APOLD1: variants seen among roughly 807,000 people sequenced by gnomAD.
APOLD1 encodes the protein apolipoprotein L domain-containing protein 1.
A neutral mutation model predicts 15.3 loss-of-function variants in APOLD1; 22 were observed. The observed-to-expected ratio is 1.44, with a 90% confidence interval of 1.03 to 2.05. The LOEUF (loss-of-function observed/expected upper bound fraction) is 2.05. Ranked by LOEUF, APOLD1 falls within the 30% of genes most tolerant of loss-of-function variation. The probability of loss-of-function intolerance (pLI) is 0.00; values close to 1 mark genes in which losing one functional copy is unlikely to be tolerated. For missense variants in APOLD1, 394 were observed against 353.5 expected (o/e 1.11, Z -0.92); for synonymous variants, 190 against 167.4 (o/e 1.13, Z -1.04).
chr12:12,787,713 T>G lies in APOLD1; in HGVS notation c.*61T>G. 1 of 1,516,470 alleles carries G rather than the reference T, an allele frequency of 6.6e-7. No homozygotes were observed. The highest frequency in any genetic ancestry group is 2.3e-5 in the East Asian group (1 of 44,154). 93.9% of individuals were successfully genotyped at this position (1,516,470 alleles called of 1,614,324 possible). On this transcript the variant is annotated 3_prime_UTR_variant, in exon 2 of 2. Coordinates refer to ENST00000356591, the MANE Select transcript of APOLD1 (RefSeq NM_030817.3). This position sits in a 1 kb window ranked among gnomAD's most constrained non-coding sequence, Gnocchi z 4.9. ...ATCATCCTCATGGGATGCTCCAGAA[T>G]TTGTAGCTCCCTTAGGAAAACACCA...
At chr12:12,726,156 CAAAAAA>C (rs745785485) in intron 1 of APOLD1, 708 of 113,406 alleles carry the variant, frequency 6.2e-3, no homozygotes, top group East Asian at 0.028. Context: ...TCTTCGCAAC[CAAAAAA>C]AAAAAAAAAA....
chr12:12,740,305 C>T (rs532403477), intron 1 of APOLD1, among the ~76,000 whole-genome samples: 8 of 152,148 alleles, frequency 5.3e-5, no homozygotes, highest in South Asian at 4.2e-4. Context: ...TTAGCAGAGA[C>T]GGGGTTTCAC....
At chr12:12,733,411 A>G (rs1168018478) in intron 1 of APOLD1, among the ~76,000 whole-genome samples, 1 of 152,204 alleles carries the variant, frequency 6.6e-6, no homozygotes, top group Admixed American at 6.5e-5. Context: ...TATGGTATGA[A>G]TGTATTTTTG....
At chr12:12,781,476 T>C (rs939362606), upstream of APOLD1, among the ~76,000 whole-genome samples, 4 of 150,594 alleles carry the variant, frequency 2.7e-5, no homozygotes, top group East Asian at 7.8e-4. Flanking sequence ...TCTCAAAAAA[T>C]GGAGGTGGCC....
intron 1 of APOLD1, among the ~76,000 whole-genome samples, chr12:12,775,445 C>T (rs567545720): frequency 3.5e-4 from 53 of 152,208 alleles, no homozygotes; most frequent in African/African-American, 1.3e-3. Context: ...AAACTGCAGA[C>T]TTTGGGCCAA....
intron 1 of APOLD1, among the ~76,000 whole-genome samples, chr12:12,729,864 AACT>A (rs1331550782): frequency 6.6e-6 from 1 of 152,038 alleles, no homozygotes; most frequent in Non-Finnish European, 1.5e-5. Context: ...AAGAATATAC[AACT>A]ACTGGGACAT....
chr12:12,729,092 G>A (rs1256440702), intron 1 of APOLD1, among the ~76,000 whole-genome samples: 1 of 151,952 alleles, frequency 6.6e-6, no homozygotes. Context: ...TGAATTGCTG[G>A]TGGGCCGAGT....
intron 1 of APOLD1, among the ~76,000 whole-genome samples, chr12:12,766,984 G>T (rs967142137): frequency 1.3e-5 from 2 of 152,176 alleles, no homozygotes; most frequent in African/African-American, 4.8e-5. Context: ...AGTGGCTCAT[G>T]CCTGTAATCT....
chr12:12,785,582 C>T (rs1947117301), upstream of APOLD1: 9 of 1,605,792 alleles, frequency 5.6e-6, no homozygotes, highest in South Asian at 8.9e-5. Flanking sequence ...GGCAAATTCT[C>T]AGAATGAGAC....
intron 1 of APOLD1, among the ~76,000 whole-genome samples, chr12:12,745,295 A>G (rs926700706): frequency 2.0e-5 from 3 of 152,192 alleles, no homozygotes; most frequent in African/African-American, 7.2e-5. Flanking sequence ...TAATCCCAGT[A>G]CTTTGGGAAG....
chr12:12,754,214 G>GAAAAAAAAA (rs1437482140), intron 1 of APOLD1, among the ~76,000 whole-genome samples: 2 of 53,144 alleles, frequency 3.8e-5, no homozygotes, highest in Non-Finnish European at 8.7e-5. Context: ...AAAAAAAAAG[G>GAAAAAAAAA]AAAAAGAAAA....
At chr12:12,738,989 G>A (rs1336311876) in intron 1 of APOLD1, among the ~76,000 whole-genome samples, 2 of 152,158 alleles carry the variant, frequency 1.3e-5, no homozygotes, top group Admixed American at 1.3e-4. Context: ...GTTACTAGCT[G>A]CCAAATGCAA....
intron 1 of APOLD1, among the ~76,000 whole-genome samples, chr12:12,763,518 G>T (rs1029367186): frequency 7.9e-5 from 12 of 151,612 alleles, no homozygotes; most frequent in African/African-American, 2.2e-4. Context: ...TGTGTGTGGG[G>T]GGGGGGAAAA....
intron 1 of APOLD1, among the ~76,000 whole-genome samples, chr12:12,764,016 G>A (rs112221667): frequency 0.048 from 7,272 of 152,208 alleles, 222 homozygotes; most frequent in African/African-American, 0.077. Flanking sequence ...AGGCTGGAGT[G>A]CAGTGGTGTG....
chr12:12,751,996 C>A lies in APOLD1; in HGVS notation c.96+25900C>A, dbSNP rs527538037. Among the ~76,000 whole-genome samples the A allele has an allele frequency of 1.8e-4, 28 of 152,336 alleles. No homozygotes were observed. In the South Asian group the frequency reaches 4.8e-3, roughly 26 times the overall value. On this transcript the variant is annotated intron_variant, in intron 1 of 1. Coordinates refer to the APOLD1 transcript ENST00000326765. Reference sequence around the variant, plus strand: ...AAAAGGCAAGAAAACATTCTCCCCTCAGAGGCTTCAGAAGGAACCAGTCCC... The same window carrying A: ...AAAAGGCAAGAAAACATTCTCCCCTAAGAGGCTTCAGAAGGAACCAGTCCC...
At chr12:12,737,710 C>G (rs1434794757) in intron 1 of APOLD1, among the ~76,000 whole-genome samples, 1 of 152,166 alleles carries the variant, frequency 6.6e-6, no homozygotes, top group Non-Finnish European at 1.5e-5. Context: ...TTTGGCATAT[C>G]CTCAGCTGAG....
intron 1 of APOLD1, 145 bp downstream of exon 1, chr12:12,785,839 C>A: frequency 1.3e-6 from 1 of 795,400 alleles, no homozygotes; most frequent in South Asian, 1.5e-5. Flanking sequence ...GGATTCTAGA[C>A]TGGGCTCTGT....
chr12:12,768,505 A>C (rs868813192), intron 1 of APOLD1, among the ~76,000 whole-genome samples: 1 of 151,976 alleles, frequency 6.6e-6, no homozygotes, highest in Non-Finnish European at 1.5e-5. Flanking sequence ...AAACAAAAAA[A>C]CCAACCAGGT....
chr12:12,761,170 C>T (rs1310428996), intron 1 of APOLD1, among the ~76,000 whole-genome samples: 1 of 152,186 alleles, frequency 6.6e-6, no homozygotes. Flanking sequence ...CACTTGGGAA[C>T]TACTGGAACT....
Sources: allele counts gnomAD v4.1 joint callset (sites outside exome capture counted in the v4.1 genomes callset), GRCh38; gene constraint gnomAD v4.1.1; non-coding constraint Gnocchi (gnomAD v3.1); transcripts MANE v1.5; gene names NCBI Gene and HGNC (gene_info 2026-07-23, HGNC 2026-07-21).